Variants in VTI1A observed in about 807,000 individuals in gnomAD.
VTI1A encodes vesicle transport through interaction with t-SNAREs 1A, also known as vesicle transport through interaction with t-SNAREs homolog 1A.
VTI1A carries 22 observed loss-of-function variants against 34.9 expected under a neutral mutation model. That is an observed-to-expected ratio of 0.63 (90% CI 0.45 to 0.90). The LOEUF (loss-of-function observed/expected upper bound fraction) is 0.90, where lower values mean the gene tolerates loss of function less well. Among genes scored for constraint, VTI1A ranks in the 40% least tolerant of loss-of-function variants. The pLI is 0.00. For synonymous variants in VTI1A, 87 were observed against 97.3 expected (o/e 0.89, Z 0.62); for missense variants, 268 against 275.6 (o/e 0.97, Z 0.20).
chr10:112,796,520 A>G (rs1366053524), intron 7 of VTI1A, among the ~76,000 whole-genome samples: 1 of 152,148 alleles, frequency 6.6e-6, no homozygotes. Flanking sequence ...CTCGTGGTCT[A>G]AGAGCAATTC....
At chr10:112,618,516 T>TAGAGAGAGAGAGAGAGAG (rs1295144968) in intron 5 of VTI1A, among the ~76,000 whole-genome samples, 26 of 46,410 alleles carry the variant, frequency 5.6e-4, no homozygotes, top group East Asian at 4.2e-3. Context: ...TATATATATA[T>TAGAGAGAGAGAGAGAGAG]ATATATATAG....
chr10:112,476,047 T>C (rs1443305920), intron 3 of VTI1A, among the ~76,000 whole-genome samples: 1 of 152,242 alleles, frequency 6.6e-6, no homozygotes, highest in African/African-American at 2.4e-5. Context: ...TTTCTGGCTG[T>C]TTATTTTCCA....
intron 5 of VTI1A, among the ~76,000 whole-genome samples, chr10:112,606,203 T>G (rs1197617774): frequency 6.6e-6 from 1 of 152,024 alleles, no homozygotes. Flanking sequence ...TTTTGTATTT[T>G]TAGTAGAGAT....
intron 3 of VTI1A, among the ~76,000 whole-genome samples, chr10:112,492,064 G>A (rs953048807): frequency 7.2e-5 from 11 of 152,142 alleles, no homozygotes; most frequent in South Asian, 2.1e-4. Flanking sequence ...TCCAATGTTC[G>A]ATCAAGGTTG....
rs1175362768 is a variant in VTI1A, at chr10:112,757,351, A to ATTTTTTTTTTTTTT, written c.561-57920_561-57907dup. 5.7e-4 allele frequency among the ~76,000 whole-genome samples: 23 copies of ATTTTTTTTTTTTTT among 40,692 alleles called. 3 individuals carry two copies. The highest frequency in any genetic ancestry group is 1.3e-3 in the African/African-American group (13 of 9,700). The allele number at this position is 40,692 out of a possible 152,430, so 26.7% of individuals were successfully genotyped here. ...CTTTCACCCTTTCTTTGTTGCTGTG[A>ATTTTTTTTTTTTTT]TTTTTTTTTTTTTTTTTTTTTTTTT... On this transcript the variant is annotated intron_variant, in intron 7 of 7. Coordinates refer to ENST00000393077, the MANE Select transcript of VTI1A (RefSeq NM_145206.4).
chr10:112,535,154 T>C (rs1173350392), intron 4 of VTI1A, among the ~76,000 whole-genome samples: 1 of 152,204 alleles, frequency 6.6e-6, no homozygotes, highest in Non-Finnish European at 1.5e-5. Flanking sequence ...AGCAGTTTCA[T>C]CAGTTATGAT....
intron 3 of VTI1A, among the ~76,000 whole-genome samples, chr10:112,483,145 T>C (rs1274240057): frequency 6.6e-6 from 1 of 152,180 alleles, no homozygotes; most frequent in Admixed American, 6.5e-5. Flanking sequence ...ATCTGCCTAC[T>C]CCTGCTATAT....
intron 7 of VTI1A, among the ~76,000 whole-genome samples, chr10:112,728,185 TC>T (rs144964706): frequency 0.18 from 27,820 of 151,870 alleles, 2,723 homozygotes; most frequent in Middle Eastern, 0.24. Flanking sequence ...TTTCTTTTCT[TC>T]CCCCCACCCC....
chr10:112,524,137 G>A (rs1013757096), intron 3 of VTI1A, among the ~76,000 whole-genome samples: 3 of 151,746 alleles, frequency 2.0e-5, no homozygotes, highest in Non-Finnish European at 4.4e-5. Context: ...CCCTTTTTTG[G>A]TATTCAGTTA....
intron 7 of VTI1A, among the ~76,000 whole-genome samples, chr10:112,772,645 A>C (rs1851846200): frequency 6.6e-6 from 1 of 152,212 alleles, no homozygotes; most frequent in Non-Finnish European, 1.5e-5. Context: ...TTTATCTGTT[A>C]TCTTCTAAGG....
Position 112,668,306 on chromosome 10 carries a change from A to C in VTI1A, c.498+18A>C, listed in dbSNP as rs770250603. On this transcript the variant is annotated intron_variant, in intron 6 of 7. Coordinates refer to ENST00000393077, the MANE Select transcript of VTI1A (RefSeq NM_145206.4). ...GTGAAAGAGTAAGTACAATTGATACAGTTTTTTCACATATTCAGTAAATGA... is the reference window on the plus strand; with the variant it reads ...GTGAAAGAGTAAGTACAATTGATACCGTTTTTTCACATATTCAGTAAATGA... 1 of 1,609,740 alleles carries C rather than the reference A, an allele frequency of 6.2e-7. No individual in the cohort carries two copies. Among genetic ancestry groups the C allele is most frequent in the African/African-American group, 1.3e-5 (1 of 74,860 alleles).
At chr10:112,593,302 T>C (rs1000018895) in intron 5 of VTI1A, among the ~76,000 whole-genome samples, 5 of 152,230 alleles carry the variant, frequency 3.3e-5, no homozygotes, top group Non-Finnish European at 5.9e-5. Context: ...CCCAGCTATT[T>C]CTGAAGACTG....
intron 3 of VTI1A, among the ~76,000 whole-genome samples, chr10:112,525,346 C>T (rs1297491484): frequency 1.3e-5 from 2 of 152,042 alleles, no homozygotes; most frequent in African/African-American, 2.4e-5. Flanking sequence ...AGACTCAGGG[C>T]GGGGAGTGGA....
chr10:112,670,212 G>T (rs1375644503), intron 7 of VTI1A, among the ~76,000 whole-genome samples: 1 of 152,122 alleles, frequency 6.6e-6, no homozygotes, highest in Non-Finnish European at 1.5e-5. Context: ...CCCTGGGAGG[G>T]CTCCTGCGTC....
chr10:112,854,445 T>C, the VTI1A span, among the ~76,000 whole-genome samples: 1 of 152,292 alleles, frequency 6.6e-6, no homozygotes, highest in East Asian at 1.9e-4. Flanking sequence ...TTAACCACTA[T>C]AGATGTCTCT....
In VTI1A at chr10:112,767,662, C is replaced by T. The variant is rs1851685510; in HGVS notation, c.561-47628C>T. Among the ~76,000 whole-genome samples, 1 of 151,870 alleles carries T rather than the reference C, an allele frequency of 6.6e-6. No individual in the cohort carries two copies. The highest frequency in any genetic ancestry group is 2.4e-5 in the African/African-American group (1 of 41,338). ...CAACTAAAGGGTCTTTCCTGCCTGC[C>T]TACCTTATTTCTTCCTTACTCTTTT... is the stretch of plus-strand genomic sequence containing the variant. On this transcript the variant is annotated intron_variant, in intron 7 of 7. Coordinates refer to ENST00000393077, the MANE Select transcript of VTI1A (RefSeq NM_145206.4). This position sits in a 1 kb window ranked among gnomAD's most constrained non-coding sequence, Gnocchi z 4.0.
At chr10:112,536,407 G>A (rs1446640510) in intron 4 of VTI1A, among the ~76,000 whole-genome samples, 1 of 152,072 alleles carries the variant, frequency 6.6e-6, no homozygotes, top group African/African-American at 2.4e-5. Flanking sequence ...GGGAAACTTA[G>A]GAATAAGAAA....
At chr10:112,706,516 T>C (rs1252131411) in intron 7 of VTI1A, among the ~76,000 whole-genome samples, 2 of 152,184 alleles carry the variant, frequency 1.3e-5, no homozygotes, top group African/African-American at 4.8e-5. Context: ...ACTCTCAATA[T>C]TTTGCCATAC....
the VTI1A span, among the ~76,000 whole-genome samples, chr10:112,846,691 A>G: frequency 8.6e-4 from 130 of 151,010 alleles, no homozygotes; most frequent in African/African-American, 3.0e-3. Context: ...GTGTGAACCC[A>G]GGAGGCGGAG....
Sources: gnomAD v4.1 joint callset for allele counts (sites outside exome capture counted in the v4.1 genomes callset) on GRCh38, gnomAD v4.1.1 for gene constraint, Gnocchi (gnomAD v3.1) non-coding constraint, MANE v1.5 for transcripts, NCBI Gene and HGNC (gene_info 2026-07-23, HGNC 2026-07-21) for gene names.